Variants in AARS1 observed in about 807,000 individuals in gnomAD.
AARS1 encodes alanyl-tRNA synthetase 1.
Under a neutral mutation model 108.9 loss-of-function variants are expected in AARS1, and 72 were observed. That is an observed-to-expected ratio of 0.66 (90% CI 0.55 to 0.80). The LOEUF (loss-of-function observed/expected upper bound fraction) is 0.80. Among genes scored for constraint, AARS1 ranks in the 30% least tolerant of loss-of-function variants. AARS1 has a pLI of 0.00. For synonymous variants in AARS1, 489 were observed against 465.7 expected (o/e 1.05, Z -0.64); for missense variants, 1,193 against 1,233.2 (o/e 0.97, Z 0.49).
chr16:70,282,091 G>T (rs565748306), intron 2 of AARS1, among the ~76,000 whole-genome samples: 1 of 150,632 alleles, frequency 6.6e-6, no homozygotes, highest in African/African-American at 2.4e-5. Context: ...GGCGGAGCTT[G>T]CAGTGAGCAC....
intron 11 of AARS1, among the ~76,000 whole-genome samples, chr16:70,262,967 C>CAAAAAAAAAAAAAAAAAAAA (rs57444625): frequency 4.9e-5 from 1 of 20,588 alleles, no homozygotes; most frequent in African/African-American, 1.4e-4. Flanking sequence ...GACTCGGTCT[C>CAAAAAAAAAAAAAAAAAAAA]AAAAAAAAAA....
At position 70,282,668 on chromosome 16, in the gene AARS1, G is replaced by T. The variant is rs369590315; in HGVS notation, c.96C>A (p.Ile32=). The T allele has an allele frequency of 5.0e-6, 8 of 1,614,214 alleles. No homozygotes were observed. In the South Asian group the frequency reaches 7.7e-5, roughly 16 times the overall value. Residue 32 remains isoleucine (I), a synonymous_variant, in exon 2 of 21, where the codon ATC becomes ATA. Transcript: ENST00000261772. The stretch of plus-strand genomic sequence containing the variant: ...AGAGCAAAGTGGGGTCATCCAATGG[G>T]ATGGTGGCAGACGAGTGAACATACG... The part of the protein sequence containing the change: ...EHTYVHSSAT[I]PLDDPTLLFA...
At chr16:70,274,133 C>T (rs574157941) in intron 4 of AARS1, among the ~76,000 whole-genome samples, 5 of 145,558 alleles carry the variant, frequency 3.4e-5, no homozygotes, top group East Asian at 4.1e-4. Flanking sequence ...GTCAGGAGTT[C>T]GAGACCAGCC....
Position 70,271,952 on chromosome 16 carries a change from A to C in AARS1, c.500T>G (p.Leu167Arg). The stretch of plus-strand genomic sequence containing the variant: ...GAAGTTATCCTTCATGTTGCCTGGG[A>C]GGATTTTGGTGTCATCCAGCCTGAC... ...QNLGLDDTKI[L>R]PGNMKDNFWE... is the part of the protein sequence containing the mutation. Residue 167 changes from leucine to arginine, a missense_variant, in exon 5 of 21, where the codon CTC becomes CGC. Physicochemically the swap from Leu to Arg is moderately radical, Grantham distance 102. Coordinates refer to ENST00000261772, the MANE Select transcript of AARS1 (RefSeq NM_001605.3). 4 of 1,614,046 alleles carry C rather than the reference A, an allele frequency of 2.5e-6. No individual in the cohort carries two copies. Among genetic ancestry groups the C allele is most frequent in the Non-Finnish European group, 3.4e-6 (4 of 1,180,000 alleles).
At chr16:70,287,011 G>C (rs1163673907) in intron 1 of AARS1, among the ~76,000 whole-genome samples, 1 of 151,678 alleles carries the variant, frequency 6.6e-6, no homozygotes, top group East Asian at 2.0e-4. Context: ...CAGCACTTTG[G>C]GAGGCCGAGG....
chr16:70,258,298 C>T, intron 14 of AARS1, 81 bp from the exon 15 acceptor site: 1 of 1,494,300 alleles, frequency 6.7e-7, no homozygotes, highest in Non-Finnish European at 9.1e-7. Context: ...CATGGTCCTG[C>T]AGGCAGGACT....
Position 70,267,865 on chromosome 16 carries a change from C to A in AARS1, c.1072-56G>T, listed in dbSNP as rs988580722. The A allele has an allele frequency of 1.7e-5, 27 of 1,612,600 alleles. No homozygotes were observed. In the East Asian group the frequency reaches 5.8e-4, roughly 35 times the overall value. On this transcript the variant is annotated intron_variant, in intron 8 of 20. Transcript: ENST00000261772. ...GATGAAGCCAGAGACTGTTCCCTGC[C>A]CCGTCTTAAAAAAGCTCCTTAGCTG...
chr16:70,274,933 G>GT (rs1226333028), intron 4 of AARS1, among the ~76,000 whole-genome samples: 3 of 147,388 alleles, frequency 2.0e-5, no homozygotes, highest in Non-Finnish European at 4.5e-5. Context: ...ACTATATAAA[G>GT]TAAAAAAAAA....
Position 70,252,339 on chromosome 16 carries a change from A to G in AARS1, c.*382T>C, listed in dbSNP as rs1959860169. 1 of 345,414 alleles carries G rather than the reference A, an allele frequency of 2.9e-6. No homozygotes were observed. Among genetic ancestry groups the G allele is most frequent in the Admixed American group, 4.5e-5 (1 of 22,016 alleles). The allele number at this position is 345,414 out of a possible 1,614,324, so 21.4% of individuals were successfully genotyped here. A position where few individuals can be genotyped will look rare whatever the true frequency, so the allele number is the denominator to read the frequency against. ...TATTCTACAGACGCCAAAGGCTGTC[A>G]AAAGAGCCAGCCCCTATTGGGAAGA... On this transcript the variant is annotated 3_prime_UTR_variant, in exon 21 of 21. Transcript: ENST00000261772.
Position 70,252,836 on chromosome 16 carries a change from C to A in AARS1, c.2792G>T (p.Gly931Val). 1 of 1,614,194 alleles carries A rather than the reference C, an allele frequency of 6.2e-7. No homozygotes were observed. The highest frequency in any genetic ancestry group is 1.1e-5 in the South Asian group (1 of 91,090). The change falls in exon 21 of 21, where the codon GGT becomes GTT. Residue 931 changes from glycine to valine, a missense_variant. Gly to Val is a moderately radical substitution (Grantham distance 109, BLOSUM62 -3). Transcript: ENST00000261772. ...CTGTGCAGACACATCCTTGCCACCA[C>A]CTTTACCGTCCATCAAGCCTGACAC... ...QQVSGLMDGK[G>V]GGKDVSAQAT...
At chr16:70,283,966 C>T (rs1042169233) in intron 1 of AARS1, among the ~76,000 whole-genome samples, 1 of 151,992 alleles carries the variant, frequency 6.6e-6, no homozygotes, top group Admixed American at 6.6e-5. Context: ...AATCCCAGCA[C>T]TTTGGGAGAC....
At chr16:70,268,868 T>C (rs910892412) in intron 7 of AARS1, among the ~76,000 whole-genome samples, 22 of 152,232 alleles carry the variant, frequency 1.4e-4, no homozygotes, top group African/African-American at 4.8e-4. Context: ...GGGGGATTCT[T>C]CCACCTGCCC....
At chr16:70,285,724 C>T (rs980018451) in intron 1 of AARS1, among the ~76,000 whole-genome samples, 2 of 152,152 alleles carry the variant, frequency 1.3e-5, no homozygotes, top group Non-Finnish European at 2.9e-5. Flanking sequence ...GCTAGGATTA[C>T]AGGCATGAGC....
chr16:70,282,984 T>A (rs1267542765), intron 1 of AARS1, among the ~76,000 whole-genome samples, 200 bp from the exon 2 acceptor site: 1 of 152,166 alleles, frequency 6.6e-6, no homozygotes, highest in East Asian at 1.9e-4. Context: ...TTCCTTCCCA[T>A]GCCAACCTCA....
At chr16:70,280,973 A>G (rs951334093) in intron 2 of AARS1, among the ~76,000 whole-genome samples, 19 of 152,118 alleles carry the variant, frequency 1.2e-4, no homozygotes, top group African/African-American at 4.3e-4. Flanking sequence ...GACTACAGGC[A>G]TGCACCACCA....
Position 70,273,553 on chromosome 16 carries a change from AC to A in AARS1, c.480-1582del, listed in dbSNP as rs1960461876. Among the ~76,000 whole-genome samples, 7 of 152,178 alleles carry A rather than the reference AC, an allele frequency of 4.6e-5. No individual in the cohort carries two copies. In the South Asian group the frequency reaches 1.2e-3, roughly 27 times the overall value. On this transcript the variant is annotated intron_variant, in intron 4 of 20. Transcript: ENST00000261772. The stretch of plus-strand genomic sequence containing the variant: ...GGCAACATAGCAAAACCCTGTCCCT[AC>A]AAAAAATACAAAAATTAGCCAGACA...
At chr16:70,284,749 C>T (rs558968622) in intron 1 of AARS1, among the ~76,000 whole-genome samples, 1 of 152,234 alleles carries the variant, frequency 6.6e-6, no homozygotes, top group South Asian at 2.1e-4. Flanking sequence ...AAAATGAGAA[C>T]CATCTTATTC....
At chr16:70,274,390 A>C (rs1010658847) in intron 4 of AARS1, among the ~76,000 whole-genome samples, 10 of 151,830 alleles carry the variant, frequency 6.6e-5, no homozygotes, top group Admixed American at 2.6e-4. Flanking sequence ...TCATTTCCAT[A>C]AGAAACAAAC....
At chr16:70,259,537 C>G (rs1006397750) in intron 13 of AARS1, among the ~76,000 whole-genome samples, 19 of 152,116 alleles carry the variant, frequency 1.2e-4, no homozygotes, top group African/African-American at 4.6e-4. Context: ...GGATAGAGTA[C>G]AGCGGCGCGA....
Sources: allele counts gnomAD v4.1 joint callset (sites outside exome capture counted in the v4.1 genomes callset), GRCh38; gene constraint gnomAD v4.1.1; transcripts MANE v1.5; gene names NCBI Gene and HGNC (gene_info 2026-07-23, HGNC 2026-07-21).